COPS7B: variants seen among roughly 807,000 people sequenced by gnomAD.
COPS7B encodes the protein COP9 signalosome complex subunit 7b.
In COPS7B, 9 loss-of-function variants were observed where a neutral mutation model predicts 33.4. That is an observed-to-expected ratio of 0.27 (90% CI 0.16 to 0.47). The LOEUF (loss-of-function observed/expected upper bound fraction) is 0.47, where lower values mean the gene tolerates loss of function less well. COPS7B is among the 20% of genes least tolerant of loss of function. The pLI is 0.99. For missense variants in COPS7B, 242 were observed against 318.2 expected, an observed-to-expected ratio of 0.76 and a Z score of 1.82; for synonymous variants, 119 against 126.3, an observed-to-expected ratio of 0.94 and a Z score of 0.39.
upstream of COPS7B, among the ~76,000 whole-genome samples, chr2:231,783,841 A>T (rs1484143951): frequency 6.6e-6 from 1 of 152,078 alleles, no homozygotes; most frequent in Non-Finnish European, 1.5e-5. Context: ...GGATCAAGTG[A>T]TCCTCCTGCC....
At chr2:231,782,088 C>T (rs988975248), upstream of COPS7B, among the ~76,000 whole-genome samples, 3 of 152,144 alleles carry the variant, frequency 2.0e-5, no homozygotes, top group Admixed American at 6.5e-5. Flanking sequence ...TAATCTATCC[C>T]CTGTTGTTAC....
At chr2:231,781,721 C>G (rs987493512), upstream of COPS7B, 9 of 915,948 alleles carry the variant, frequency 9.8e-6, no homozygotes, top group Admixed American at 4.2e-5. Flanking sequence ...TCCAGTGTGC[C>G]GCGCAGTGTG....
intron 5 of COPS7B, among the ~76,000 whole-genome samples, chr2:231,796,695 T>C (rs1239826619): frequency 6.6e-6 from 1 of 152,230 alleles, no homozygotes. Flanking sequence ...ATTCTTTCTT[T>C]GTTTTTATTA....
rs183302620 is a variant in COPS7B, at chr2:231,786,522, A to G, written c.-33A>G. 1.0e-6 allele frequency: 1 copy of G among 985,824 alleles called. No individual in the cohort carries two copies. Among genetic ancestry groups the G allele is most frequent in the Non-Finnish European group, 1.2e-6 (1 of 830,004 alleles). The allele number at this position is 985,824 out of a possible 1,614,324, so 61.1% of individuals were successfully genotyped here. On this transcript the variant is annotated 5_prime_UTR_variant, in exon 1 of 7. Transcript: ENST00000350033. ...GCCGAGCCAGCGACTAAGAGGACCG[A>G]GAGGTGGCGTGGACAGGTAGGAGCT...
upstream of COPS7B, among the ~76,000 whole-genome samples, chr2:231,784,058 G>A (rs1245288798): frequency 6.6e-6 from 1 of 151,356 alleles, no homozygotes; most frequent in Non-Finnish European, 1.5e-5. Context: ...GAGCAAGCTT[G>A]AGCATAGGTG....
chr2:231,808,934 G>T lies in COPS7B; in HGVS notation c.*1289G>T, dbSNP rs2049976685. 6.6e-6 allele frequency: 1 copy of T among 152,434 alleles called. No homozygotes were observed. The highest frequency in any genetic ancestry group is 1.4e-5 in the Non-Finnish European group (1 of 69,116). The allele number at this position is 152,434 out of a possible 1,614,324, so 9.4% of individuals were successfully genotyped here. On this transcript the variant is annotated 3_prime_UTR_variant, in exon 7 of 7. Transcript: ENST00000350033. ...TGTAGATTTAATGTATGTGACTGGG[G>T]TTTGGGGTTGCATACCTGGTGGATC...
intron 2 of COPS7B, 161 bp from the exon 3 acceptor site, chr2:231,791,572 C>T (rs976600817): frequency 4.3e-5 from 25 of 583,924 alleles, no homozygotes; most frequent in Non-Finnish European, 6.4e-5. Flanking sequence ...TATTTTTTCC[C>T]GAAGAACCAG....
At position 231,807,605 on chromosome 2, in the gene COPS7B, A is replaced by G; in HGVS notation, c.755A>G (p.Lys252Arg). 1.9e-6 allele frequency: 3 copies of G among 1,574,330 alleles called. No individual in the cohort carries two copies. In the Admixed American group the frequency reaches 5.6e-5, roughly 29 times the overall value. ...PHAEQRQPTKKMSKVKGLVSS... is the reference protein window; with the variant it reads ...PHAEQRQPTKRMSKVKGLVSS... ...GCTGAGCAGAGGCAGCCCACCAAGA[A>G]GATGTCCAAAGTGAAAGGTCTGGTC... Residue 252 changes from lysine (K) to arginine (R), a missense_variant, in exon 7 of 7, where the codon AAG (lysine) becomes AGG (arginine). Physicochemically the swap from Lys to Arg is conservative, Grantham distance 26. Transcript: ENST00000350033.
At chr2:231,788,070 C>T (rs1214887737) in intron 1 of COPS7B, among the ~76,000 whole-genome samples, 1 of 151,792 alleles carries the variant, frequency 6.6e-6, no homozygotes, top group East Asian at 1.9e-4. Context: ...AGGACAAGAT[C>T]CTTTTAACTC....
In COPS7B at chr2:231,807,691, G is replaced by A. The variant is rs1157704342; in HGVS notation, c.*46G>A. The A allele has an allele frequency of 6.6e-7, 1 of 1,507,458 alleles. No individual in the cohort carries two copies. The highest frequency in any genetic ancestry group is 8.9e-7 in the Non-Finnish European group (1 of 1,125,162). The allele number at this position is 1,507,458 out of a possible 1,614,324, so 93.4% of individuals were successfully genotyped here. On this transcript the variant is annotated 3_prime_UTR_variant, in exon 7 of 7. Transcript: ENST00000350033. ...ACTCACCAGGCCTGGGTCAGGTGGG[G>A]AGGGGACACCAAGGGCCCATTTCCT...
intron 2 of COPS7B, chr2:231,789,045 G>A: frequency 4.1e-6 from 1 of 242,436 alleles, no homozygotes. Context: ...GTAGATTCAT[G>A]CATTCTTAAG....
chr2:231,794,191 T>C (rs2049500415), intron 3 of COPS7B, 72 bp from the exon 4 acceptor site: 1 of 1,267,608 alleles, frequency 7.9e-7, no homozygotes, highest in Admixed American at 1.9e-5. Context: ...GGGGAGTTGG[T>C]GAGCTTATTC....
Position 231,791,824 on chromosome 2 carries a change from TC to T in COPS7B, c.238+18del. ...GATTACATAGGTGAGTTGGTGAAGA[TC>T]CTTCAAAAGACTTGTGTTAATTATG... On this transcript the variant is annotated intron_variant, in intron 3 of 6. Coordinates refer to ENST00000350033, the MANE Select transcript of COPS7B (RefSeq NM_022730.4). 4 of 1,606,234 alleles carry T rather than the reference TC, an allele frequency of 2.5e-6. No homozygotes were observed. The highest frequency in any genetic ancestry group is 3.4e-6 in the Non-Finnish European group (4 of 1,172,818).
At chr2:231,802,677 C>T (rs143585900) in intron 6 of COPS7B, among the ~76,000 whole-genome samples, 2,030 of 152,296 alleles carry the variant, frequency 0.013, 31 homozygotes, top group Non-Finnish European at 0.018. Context: ...AGAAAGTCTA[C>T]GAGACCAGAA....
At chr2:231,795,545 C>T (rs987727634) in intron 4 of COPS7B, among the ~76,000 whole-genome samples, 7 of 152,120 alleles carry the variant, frequency 4.6e-5, no homozygotes, top group African/African-American at 1.7e-4. Flanking sequence ...TGGTACAGCC[C>T]AATAAAGAAC....
Position 231,798,884 on chromosome 2 carries a change from C to A in COPS7B, c.556C>A (p.Leu186Met), listed in dbSNP as rs199527287. 6.2e-7 allele frequency: 1 copy of A among 1,614,142 alleles called. No individual in the cohort carries two copies. The highest frequency in any genetic ancestry group is 8.5e-7 in the Non-Finnish European group (1 of 1,180,000). ...GTGTGATGGCTGTGAAGCAGTTCTACTGGGCATCGAGCAGCAAGTTCTGAG... is the reference window on the plus strand; with the variant it reads ...GTGTGATGGCTGTGAAGCAGTTCTAATGGGCATCGAGCAGCAAGTTCTGAG... The part of the protein sequence containing the change: ...EWCDGCEAVL[L>M]GIEQQVLRAN... The change falls in exon 6 of 7, where the codon CTG becomes ATG. Residue 186 changes from leucine to methionine, a missense_variant. Physicochemically the swap from Leu to Met is conservative, Grantham distance 15. Transcript: ENST00000350033.
intron 6 of COPS7B, among the ~76,000 whole-genome samples, chr2:231,805,722 A>G (rs2049876232): frequency 6.6e-6 from 1 of 151,924 alleles, no homozygotes; most frequent in African/African-American, 2.4e-5. Flanking sequence ...GGCTCACTGT[A>G]GCCTCTACCT....
At chr2:231,804,657 A>G (rs1445459590) in intron 6 of COPS7B, among the ~76,000 whole-genome samples, 1 of 152,206 alleles carries the variant, frequency 6.6e-6, no homozygotes, top group African/African-American at 2.4e-5. Context: ...TTGTTTTTTT[A>G]ATTTTTAATA....
At chr2:231,798,088 T>C (rs1023117405) in intron 5 of COPS7B, among the ~76,000 whole-genome samples, 1 of 151,732 alleles carries the variant, frequency 6.6e-6, no homozygotes, top group African/African-American at 2.4e-5. Flanking sequence ...GGTTTCTCCA[T>C]GTTGGTCAGG....
Sources: gnomAD v4.1 joint callset for allele counts (sites outside exome capture counted in the v4.1 genomes callset) on GRCh38, gnomAD v4.1.1 for gene constraint, MANE v1.5 for transcripts, NCBI Gene and HGNC (gene_info 2026-07-23, HGNC 2026-07-21) for gene names.